The following RAET1E variants were observed in gnomAD, a reference collection of about 807,000 sequenced individuals.
The protein encoded by RAET1E is retinoic acid early transcript 1E.
RAET1E carries 27 observed loss-of-function variants against 21.1 expected under a neutral mutation model. That is an observed-to-expected ratio of 1.28 (90% CI 0.94 to 1.76). RAET1E has a LOEUF of 1.76. Ranked by LOEUF, RAET1E falls within the 40% of genes most tolerant of loss-of-function variation. RAET1E has a pLI of 0.00. For missense variants in RAET1E, 310 were observed against 311.3 expected (o/e 1.00, Z 0.03); for synonymous variants, 113 against 115.0 (o/e 0.98, Z 0.11).
intron 2 of RAET1E, among the ~76,000 whole-genome samples, chr6:149,891,693 C>A (rs983412561): frequency 1.3e-5 from 2 of 151,978 alleles, no homozygotes; most frequent in African/African-American, 4.8e-5. Flanking sequence ...TCAAGACCAG[C>A]CTGGGCAACA....
rs2115479221 is a variant in RAET1E, at chr6:149,884,907, G to A, written c.*3591C>T. 6.6e-6 allele frequency among the ~76,000 whole-genome samples: 1 copy of A among 152,256 alleles called. No homozygotes were observed. Among genetic ancestry groups the A allele is most frequent in the South Asian group, 2.1e-4 (1 of 4,826 alleles). On this transcript the variant is annotated 3_prime_UTR_variant, in exon 6 of 6. Coordinates refer to ENST00000357183, the MANE Select transcript of RAET1E (RefSeq NM_001394057.1). ...GTGAACCAGAAACCCAGGTGTCAAA[G>A]GAATCCCACCTTCTAGTCCTTGCTG...
rs1363882441 is a variant in RAET1E, at chr6:149,889,615, T to C, written c.355A>G (p.Thr119Ala). ...TGACAAAACATCTCGACTTGCAGAG[T>C]GGAAGGATCTGCAATCCAAACACAA... ...KPQIKTSDPS[T>A]LQVEMFCQRE... The change falls in exon 5 of 6, where the codon ACT (threonine) becomes GCT (alanine). Residue 119 changes from threonine to alanine, a missense_variant. Thr to Ala is a moderately conservative substitution (Grantham distance 58, BLOSUM62 0). Transcript: ENST00000357183. 22 of 1,613,920 alleles carry C rather than the reference T, an allele frequency of 1.4e-5. No homozygotes were observed. Among genetic ancestry groups the C allele is most frequent in the Non-Finnish European group, 1.8e-5 (21 of 1,179,902 alleles).
chr6:149,888,678 A>AAG lies in RAET1E; in HGVS notation c.623-12_623-11insCT, dbSNP rs1582765683. On this transcript the variant is annotated splice_polypyrimidine_tract_variant and intron_variant, in intron 5 of 5. Transcript: ENST00000357183. ...CATTTACTGGTGACACTAAAAAAAA[A>AAG]AAAAAAAAGAAAAAAAAGCACAAGC... 4 of 1,555,596 alleles carry AAG rather than the reference A, an allele frequency of 2.6e-6. No homozygotes were observed. Among genetic ancestry groups the AAG allele is most frequent in the East Asian group, 2.3e-5 (1 of 43,370 alleles).
chr6:149,885,412 C>T lies in RAET1E; in HGVS notation c.*3086G>A, dbSNP rs947617001. 4.6e-5 allele frequency among the ~76,000 whole-genome samples: 7 copies of T among 152,122 alleles called. No homozygotes were observed. Among genetic ancestry groups the T allele is most frequent in the African/African-American group, 1.2e-4 (5 of 41,438 alleles). Reference sequence around the variant, plus strand: ...TGACCCAGAGCTAAGCCTCTCAGGTCGTGAATGCCCAGGCGATAAATGAAA... The same window carrying T: ...TGACCCAGAGCTAAGCCTCTCAGGTTGTGAATGCCCAGGCGATAAATGAAA... On this transcript the variant is annotated 3_prime_UTR_variant, in exon 6 of 6. Coordinates refer to ENST00000357183, the MANE Select transcript of RAET1E (RefSeq NM_001394057.1).
chr6:149,890,880 A>C lies in RAET1E; in HGVS notation c.22T>G (p.Ser8Ala), dbSNP rs1562466615. Reference protein sequence around the residue: MRRISLTSSPVRLLLFLL... With the variant: MRRISLTASPVRLLLFLL... ...AACAAAAGAAGGCGCACAGGGCTAG[A>C]AGTCAGGGATATTCTTCGCATACTG... Residue 8 changes from serine to alanine, a missense_variant, in exon 3 of 6, where the codon TCT (serine) becomes GCT (alanine). Coordinates refer to ENST00000357183, the MANE Select transcript of RAET1E (RefSeq NM_001394057.1). 6.2e-7 allele frequency: 1 copy of C among 1,613,058 alleles called. No individual in the cohort carries two copies. Among genetic ancestry groups the C allele is most frequent in the Non-Finnish European group, 8.5e-7 (1 of 1,179,124 alleles).
rs9383914 is a variant in RAET1E at position 149,886,098 on chromosome 6, T to G, written c.*2400A>C. ...GCATGAGCAAAAAATTTGGCAGCAA[T>G]GATGCACGGTGATTCAGAGATCAAA... On this transcript the variant is annotated 3_prime_UTR_variant, in exon 6 of 6. Coordinates refer to ENST00000357183, the MANE Select transcript of RAET1E (RefSeq NM_001394057.1). Among the ~76,000 whole-genome samples the G allele has an allele frequency of 0.44, 67,353 of 151,958 alleles. 15,608 individuals are homozygous for G. The highest frequency in any genetic ancestry group is 0.88 in the East Asian group (4,560 of 5,158).
At position 149,888,566 on chromosome 6, in the gene RAET1E, C is replaced by A. The variant is rs749053530; in HGVS notation, c.724G>T (p.Val242Phe). The change falls in exon 6 of 6, where the codon GTT becomes TTT. Residue 242 changes from valine (V) to phenylalanine (F), a missense_variant. Val to Phe is a conservative substitution (Grantham distance 50). Coordinates refer to ENST00000357183, the MANE Select transcript of RAET1E (RefSeq NM_001394057.1). ...AFILLVLMGI[V>F]LICVWWQNGE... is the part of the protein sequence containing the mutation. The stretch of plus-strand genomic sequence containing the variant: ...TTTTGCCACCAGACACAGATGAGAA[C>A]AATTCCCATTAAAACTAACAGGATG... The A allele has an allele frequency of 5.6e-6, 9 of 1,610,428 alleles. No individual in the cohort carries two copies. In the East Asian group the frequency reaches 2.0e-4, roughly 36 times the overall value.
At position 149,884,151 on chromosome 6, in the gene RAET1E, A is replaced by G. The variant is rs1158774464; in HGVS notation, c.*4347T>C. On this transcript the variant is annotated 3_prime_UTR_variant, in exon 6 of 6. Coordinates refer to ENST00000357183, the MANE Select transcript of RAET1E (RefSeq NM_001394057.1). ...TGTTAGAACCAGGTGGGCTGGTGGT[A>G]GGATCATAGGTCCACAATCTCACGA... is the stretch of plus-strand genomic sequence containing the variant. The G allele has an allele frequency of 3.7e-6, 1 of 270,292 alleles. No individual in the cohort carries two copies. 16.7% of individuals were successfully genotyped at this position (270,292 alleles called of 1,614,324 possible).
chr6:149,893,233 T>C (rs1347849058), intron 2 of RAET1E, among the ~76,000 whole-genome samples: 2 of 152,232 alleles, frequency 1.3e-5, no homozygotes, highest in Admixed American at 1.3e-4. Flanking sequence ...TCCAGTTCTG[T>C]GAAGAAAGTC....
intron 4 of RAET1E, 123 bp downstream of exon 4, chr6:149,889,762 A>G (rs763422791): frequency 1.3e-4 from 198 of 1,478,462 alleles, no homozygotes; most frequent in Admixed American, 2.0e-4. Context: ...ATTGGGTCCC[A>G]TGTGCCTCTA....
chr6:149,896,055 T>A (rs1283849648), intron 1 of RAET1E, 23 bp from the exon 2 acceptor site: 1 of 152,218 alleles, frequency 6.6e-6, no homozygotes, highest in Non-Finnish European at 1.5e-5. Context: ...ACCTTGAGAA[T>A]TAGGATTTCT....
chr6:149,889,717 G>A (rs1582768985), intron 4 of RAET1E, 94 bp from the exon 5 acceptor site: 3 of 1,519,504 alleles, frequency 2.0e-6, no homozygotes, highest in East Asian at 4.5e-5. Context: ...TTAGGGGTCT[G>A]TATTCTTTCT....
At position 149,890,165 on chromosome 6, in the gene RAET1E, G is replaced by C; in HGVS notation, c.86-20C>G. On this transcript the variant is annotated intron_variant, in intron 3 of 5. Transcript: ENST00000357183. ...GACCACCTGTGAGACAAAGATGCAG[G>C]TGAGGTCCAGGACAGGGGAAGAGGC... The C allele has an allele frequency of 6.2e-7, 1 of 1,613,446 alleles. No homozygotes were observed. Among genetic ancestry groups the C allele is most frequent in the South Asian group, 1.1e-5 (1 of 90,954 alleles).
chr6:149,890,240 G>T (rs1582770596), intron 3 of RAET1E, 95 bp from the exon 4 acceptor site: 9 of 1,387,034 alleles, frequency 6.5e-6, no homozygotes, highest in African/African-American at 5.7e-5. Flanking sequence ...ACTGGGCCAG[G>T]CTAGCAGAGG....
chr6:149,894,958 T>C (rs1778054925), intron 2 of RAET1E, among the ~76,000 whole-genome samples: 1 of 152,166 alleles, frequency 6.6e-6, no homozygotes, highest in Non-Finnish European at 1.5e-5. Context: ...GATGGGGTCT[T>C]TGAGGGGACG....
intron 2 of RAET1E, among the ~76,000 whole-genome samples, chr6:149,893,776 T>A (rs1459350775): frequency 6.6e-6 from 1 of 152,212 alleles, no homozygotes; most frequent in Non-Finnish European, 1.5e-5. Context: ...CCTTGTCTTG[T>A]GCTGATTTTC....
At position 149,888,683 on chromosome 6, in the gene RAET1E, A is replaced by AAG. The variant is rs1554263143; in HGVS notation, c.623-17_623-16insCT. 1.5e-5 allele frequency: 24 copies of AAG among 1,555,462 alleles called. No homozygotes were observed. In the African/African-American group the frequency reaches 2.3e-4, roughly 15 times the overall value. ...ACTGGTGACACTAAAAAAAAAAAAA[A>AAG]AAAGAAAAAAAAGCACAAGCCCTGT... On this transcript the variant is annotated splice_polypyrimidine_tract_variant and intron_variant, in intron 5 of 5. Coordinates refer to ENST00000357183, the MANE Select transcript of RAET1E (RefSeq NM_001394057.1).
At chr6:149,891,676 C>T (rs924099320) in intron 2 of RAET1E, among the ~76,000 whole-genome samples, 4 of 151,844 alleles carry the variant, frequency 2.6e-5, no homozygotes, top group African/African-American at 7.3e-5. Context: ...CACTTGAGGC[C>T]GGGAGTTCAA....
chr6:149,888,498 C>A lies in RAET1E; in HGVS notation c.792G>T (p.Ter264TyrextTer48). 1.2e-6 allele frequency: 2 copies of A among 1,612,720 alleles called. No individual in the cohort carries two copies. The highest frequency in any genetic ancestry group is 1.7e-6 in the Non-Finnish European group (2 of 1,179,628). The change falls in exon 6 of 6, where the codon TAG (stop) becomes TAT (tyrosine). Residue 264 changes from the stop codon to tyrosine (Y), a stop_lost. Coordinates refer to ENST00000357183, the MANE Select transcript of RAET1E (RefSeq NM_001394057.1). ...QAGLWPLRTS[*>Y] The stretch of plus-strand genomic sequence containing the variant: ...TCACCTCTCTTGAGTCCTTACCAGA[C>A]TAAGACGTCCTCAAGGGCCAGAGAC...
Sources: allele counts gnomAD v4.1 joint callset (sites outside exome capture counted in the v4.1 genomes callset), GRCh38; gene constraint gnomAD v4.1.1; transcripts MANE v1.5; gene names NCBI Gene and HGNC (gene_info 2026-07-23, HGNC 2026-07-21).